SLC4A7: variants seen among roughly 807,000 people sequenced by gnomAD.
The protein encoded by SLC4A7 is sodium bicarbonate cotransporter 3.
A neutral mutation model predicts 137.6 loss-of-function variants in SLC4A7; 51 were observed. The observed-to-expected ratio is 0.37, with a 90% CI of 0.30 to 0.47. The LOEUF is 0.47. SLC4A7 is among the 20% of genes least tolerant of loss of function. The probability of loss-of-function intolerance (pLI) is 1.00; values close to 1 mark genes in which losing one functional copy is unlikely to be tolerated. For synonymous variants in SLC4A7, 542 were observed against 518.6 expected (o/e 1.05, Z -0.61); for missense variants, 1,247 against 1,525.4 (o/e 0.82, Z 3.04).
intron 3 of SLC4A7, among the ~76,000 whole-genome samples, chr3:27,439,423 T>C (rs962886486): frequency 2.0e-5 from 3 of 152,198 alleles, no homozygotes; most frequent in African/African-American, 7.2e-5. Context: ...CATATTGTGA[T>C]TGAACTTCCT....
intron 3 of SLC4A7, among the ~76,000 whole-genome samples, chr3:27,443,882 A>G (rs1359942372): frequency 6.6e-5 from 10 of 152,158 alleles, no homozygotes; most frequent in Admixed American, 6.6e-4. Flanking sequence ...ATTTTCTTCA[A>G]TTTCCAAATA....
chr3:27,392,511 G>GA lies in SLC4A7; in HGVS notation c.3118-704dup, dbSNP rs920772939. 3.3e-5 allele frequency among the ~76,000 whole-genome samples: 5 copies of GA among 152,098 alleles called. No individual in the cohort carries two copies. In the East Asian group the frequency reaches 9.6e-4, roughly 29 times the overall value. On this transcript the variant is annotated intron_variant, in intron 20 of 25. Coordinates refer to ENST00000454389, the MANE Select transcript of SLC4A7 (RefSeq NM_001321103.2). ...CTAGCGTGTCTTTCTAAGGACACTG[G>GA]AAAAAAAGAAAACAGTTTACGAAGC...
intron 18 of SLC4A7, among the ~76,000 whole-genome samples, chr3:27,395,502 G>A (rs1368917435): frequency 6.6e-6 from 1 of 152,134 alleles, no homozygotes; most frequent in Non-Finnish European, 1.5e-5. Context: ...TTACGCTGTC[G>A]AGTAAGCCTA....
rs528147092 is a variant in SLC4A7, at chr3:27,468,798, C to T, written c.60+15269G>A. On this transcript the variant is annotated intron_variant, in intron 1 of 25. Coordinates refer to ENST00000454389, the MANE Select transcript of SLC4A7 (RefSeq NM_001321103.2). ...ATACAGTTTAGAAACATTTCTGGTA[C>T]AATATAAGCATTCAATGAAATACTA... 6.6e-5 allele frequency among the ~76,000 whole-genome samples: 10 copies of T among 151,970 alleles called. No individual in the cohort carries two copies. In the South Asian group the frequency reaches 2.1e-3, roughly 32 times the overall value.
intron 12 of SLC4A7, among the ~76,000 whole-genome samples, chr3:27,411,062 C>T (rs2053853355): frequency 6.6e-6 from 1 of 152,072 alleles, no homozygotes; most frequent in African/African-American, 2.4e-5. Context: ...AATACTATAA[C>T]ATTTATCTAC....
At chr3:27,402,185 G>A (rs180903088) in intron 15 of SLC4A7, among the ~76,000 whole-genome samples, 18 of 152,300 alleles carry the variant, frequency 1.2e-4, no homozygotes, top group South Asian at 1.0e-3. Context: ...TACGCCAAGC[G>A]TGACTGCTAA....
intron 7 of SLC4A7, among the ~76,000 whole-genome samples, chr3:27,428,976 A>G (rs1025225441): frequency 2.0e-5 from 3 of 152,176 alleles, no homozygotes; most frequent in Non-Finnish European, 4.4e-5. Context: ...AGCCCTTAAG[A>G]TGAGTTATAG....
intron 1 of SLC4A7, among the ~76,000 whole-genome samples, chr3:27,480,423 C>T (rs2059658682): frequency 6.6e-6 from 1 of 152,014 alleles, no homozygotes; most frequent in South Asian, 2.1e-4. Flanking sequence ...GAGACAGGGT[C>T]CCATTATGTT....
chr3:27,405,544 A>G (rs1393887948), intron 13 of SLC4A7, among the ~76,000 whole-genome samples: 1 of 152,182 alleles, frequency 6.6e-6, no homozygotes, highest in African/African-American at 2.4e-5. Flanking sequence ...ATATGGCTGA[A>G]ATAGTTCATT....
intron 7 of SLC4A7, among the ~76,000 whole-genome samples, chr3:27,429,807 C>T (rs2056079286): frequency 6.6e-6 from 1 of 151,948 alleles, no homozygotes; most frequent in Admixed American, 6.6e-5. Flanking sequence ...CAAGATGGCG[C>T]CACTGCGCTC....
intron 12 of SLC4A7, among the ~76,000 whole-genome samples, chr3:27,409,763 G>A (rs1217580338): frequency 6.6e-6 from 1 of 152,146 alleles, no homozygotes; most frequent in East Asian, 1.9e-4. Context: ...ACTATATAAT[G>A]AAAAGACTGC....
intron 8 of SLC4A7, chr3:27,423,500 T>TA (rs1559726802): frequency 1.3e-5 from 2 of 152,206 alleles, no homozygotes; most frequent in African/African-American, 4.8e-5. Flanking sequence ...TTTACCAAAA[T>TA]AAAAAAATCA....
intron 1 of SLC4A7, chr3:27,456,872 T>C (rs1456908966): frequency 7.2e-7 from 1 of 1,379,962 alleles, no homozygotes; most frequent in Non-Finnish European, 9.3e-7. Context: ...TAACTACAAC[T>C]TACACAGGGT....
intron 3 of SLC4A7, among the ~76,000 whole-genome samples, chr3:27,442,648 C>A (rs2057291394): frequency 6.6e-6 from 1 of 152,112 alleles, no homozygotes; most frequent in Admixed American, 6.5e-5. Context: ...TGAGCTCAAG[C>A]AATCAGCCCA....
intron 1 of SLC4A7, among the ~76,000 whole-genome samples, chr3:27,453,989 T>C (rs569474705): frequency 1.3e-5 from 2 of 152,264 alleles, no homozygotes; most frequent in East Asian, 3.9e-4. Flanking sequence ...GCAGGCCATG[T>C]AGACCATGAG....
intron 10 of SLC4A7, among the ~76,000 whole-genome samples, chr3:27,420,348 C>T (rs1401838780): frequency 6.6e-6 from 1 of 151,586 alleles, no homozygotes; most frequent in Non-Finnish European, 1.5e-5. Flanking sequence ...ATCGGGACCC[C>T]ATATCAGAGA....
intron 21 of SLC4A7, among the ~76,000 whole-genome samples, chr3:27,390,634 C>G (rs530271757): frequency 1.6e-4 from 25 of 152,122 alleles, no homozygotes; most frequent in Non-Finnish European, 3.5e-4. Flanking sequence ...TCACAAAACT[C>G]TTAAAAATCA....
chr3:27,411,263 A>T (rs1398387527), intron 12 of SLC4A7, among the ~76,000 whole-genome samples: 5 of 152,092 alleles, frequency 3.3e-5, no homozygotes, highest in Non-Finnish European at 7.4e-5. Context: ...GCACATATAC[A>T]AAGAAATTAT....
rs1328482180 is a variant in SLC4A7, at chr3:27,452,152, A to G, written c.142+265T>C. 3.3e-5 allele frequency among the ~76,000 whole-genome samples: 5 copies of G among 152,166 alleles called. No individual in the cohort carries two copies. The South Asian group carries it at 8.3e-4, about 25-fold the overall frequency. ...ACTCAGCCTGCTAGAAATGAAAAAA[A>G]TAAGAGTTAACTAATTTTGTGACTG... On this transcript the variant is annotated intron_variant, in intron 2 of 25. Coordinates refer to ENST00000454389, the MANE Select transcript of SLC4A7 (RefSeq NM_001321103.2).
Sources: allele counts gnomAD v4.1 joint callset (sites outside exome capture counted in the v4.1 genomes callset), GRCh38; gene constraint gnomAD v4.1.1; transcripts MANE v1.5; gene names NCBI Gene and HGNC (gene_info 2026-07-23, HGNC 2026-07-21).